TEK: variants seen among roughly 807,000 people sequenced by gnomAD.
TEK encodes the protein angiopoietin-1 receptor.
In TEK, 43 loss-of-function variants were observed where a neutral mutation model predicts 131.8. The ratio of observed to expected loss-of-function variants is 0.33; its 90% CI spans 0.26 to 0.42. TEK has a LOEUF of 0.42. Among genes scored for constraint, TEK ranks in the 10% least tolerant of loss-of-function variants. The probability of loss-of-function intolerance (pLI) is 1.00; values close to 1 mark genes in which losing one functional copy is unlikely to be tolerated. For missense variants in TEK, 1,162 were observed against 1,384.4 expected, an observed-to-expected ratio of 0.84 and a Z score of 2.55; for synonymous variants, 580 against 491.6, an observed-to-expected ratio of 1.18 and a Z score of -2.38.
intron 16 of TEK, chr9:27,210,720 A>G (rs1825580445): frequency 6.6e-6 from 1 of 152,286 alleles, no homozygotes; most frequent in African/African-American, 2.4e-5. Context: ...AGAATAAACC[A>G]TGATATTAAT....
At chr9:27,211,134 T>A (rs1032126166) in intron 16 of TEK, among the ~76,000 whole-genome samples, 2 of 148,240 alleles carry the variant, frequency 1.3e-5, no homozygotes, top group African/African-American at 4.9e-5. Flanking sequence ...AAAAAATATA[T>A]ATATATATGA....
Position 27,202,868 on chromosome 9 carries a change from C to G in TEK, c.1958C>G (p.Ser653Cys). Residue 653 changes from serine (S) to cysteine (C), a missense_variant, in exon 13 of 23, where the codon TCC (serine) becomes TGC (cysteine). Ser to Cys is a moderately radical substitution (Grantham distance 112, BLOSUM62 -1). Transcript: ENST00000380036. ...ATCAAGATTTCCAACATTACACACTCCTCAGCTGTGATTTCTTGGACAATA... is the reference window on the plus strand; with the variant it reads ...ATCAAGATTTCCAACATTACACACTGCTCAGCTGTGATTTCTTGGACAATA... ...ENIKISNITH[S>C]SAVISWTILD... 6.2e-7 allele frequency: 1 copy of G among 1,614,166 alleles called. No individual in the cohort carries two copies. Among genetic ancestry groups the G allele is most frequent in the Non-Finnish European group, 8.5e-7 (1 of 1,180,004 alleles).
At chr9:27,163,620 G>C (rs1823622220) in intron 2 of TEK, among the ~76,000 whole-genome samples, 1 of 152,190 alleles carries the variant, frequency 6.6e-6, no homozygotes, top group Admixed American at 6.5e-5. Flanking sequence ...GATAAGTCTG[G>C]AGAACTAGGG....
chr9:27,183,042 TGAGTG>T (rs1467891058), intron 7 of TEK, among the ~76,000 whole-genome samples: 2 of 152,226 alleles, frequency 1.3e-5, no homozygotes, highest in Non-Finnish European at 2.9e-5. Context: ...GGTTATTTGA[TGAGTG>T]GAGGAAGAAC....
chr9:27,132,962 G>T (rs566976898), intron 1 of TEK, among the ~76,000 whole-genome samples: 1 of 152,264 alleles, frequency 6.6e-6, no homozygotes, highest in African/African-American at 2.4e-5. Context: ...AAACACAATT[G>T]TACATGTTCT....
At chr9:27,194,727 C>T (rs1824945491) in intron 11 of TEK, among the ~76,000 whole-genome samples, 1 of 152,168 alleles carries the variant, frequency 6.6e-6, no homozygotes, top group South Asian at 2.1e-4. Context: ...CAGAATATTT[C>T]AAAGTAGTTC....
chr9:27,221,885 T>C (rs921572000), intron 21 of TEK, among the ~76,000 whole-genome samples: 16 of 152,136 alleles, frequency 1.1e-4, no homozygotes, highest in Admixed American at 3.9e-4. Context: ...ATTGGACGAA[T>C]GAGTTTGACA....
intron 1 of TEK, among the ~76,000 whole-genome samples, chr9:27,139,805 T>C (rs1822656353): frequency 1.3e-5 from 2 of 152,068 alleles, no homozygotes; most frequent in African/African-American, 4.8e-5. Flanking sequence ...AGTGTGTGTA[T>C]GTATAGTACA....
chr9:27,168,653 A>G, intron 3 of TEK, 48 bp downstream of exon 3: 2 of 1,293,374 alleles, frequency 1.5e-6, no homozygotes, highest in Non-Finnish European at 2.2e-6. Context: ...GAGATATCAG[A>G]TAACATACAA....
chr9:27,179,203 C>G (rs1388567299), intron 6 of TEK, among the ~76,000 whole-genome samples: 1 of 152,154 alleles, frequency 6.6e-6, no homozygotes, highest in Non-Finnish European at 1.5e-5. Context: ...AGTTTATTGA[C>G]TCTTTCTTTT....
At chr9:27,123,201 G>A (rs1273002341) in intron 1 of TEK, among the ~76,000 whole-genome samples, 2 of 151,990 alleles carry the variant, frequency 1.3e-5, no homozygotes, top group East Asian at 1.9e-4. Flanking sequence ...AGGGAGATGG[G>A]GCGGGTAAGC....
chr9:27,115,775 G>T (rs189374594), intron 1 of TEK, among the ~76,000 whole-genome samples: 1 of 152,154 alleles, frequency 6.6e-6, no homozygotes, highest in African/African-American at 2.4e-5. Context: ...CTATACAAAG[G>T]GGGTGTGTAT....
intron 12 of TEK, among the ~76,000 whole-genome samples, chr9:27,202,030 T>C (rs1050799051): frequency 2.6e-5 from 4 of 152,222 alleles, no homozygotes; most frequent in Non-Finnish European, 4.4e-5. Flanking sequence ...CTGGATCAAA[T>C]AGGCTTAGCC....
chr9:27,127,041 A>G (rs1458791321), intron 1 of TEK, among the ~76,000 whole-genome samples: 6 of 152,202 alleles, frequency 3.9e-5, no homozygotes, highest in Non-Finnish European at 7.3e-5. Context: ...GTTTTGTTAC[A>G]TAGGTATACA....
rs76136750 is a variant in TEK at position 27,205,280 on chromosome 9, G to T, written c.2364+215G>T. Among the ~76,000 whole-genome samples the T allele has an allele frequency of 0.039, 5,910 of 152,198 alleles. 165 individuals carry two copies. The highest frequency in any genetic ancestry group is 0.06 in the Non-Finnish European group (4,075 of 67,996). On this transcript the variant is annotated intron_variant, in intron 14 of 22. Transcript: ENST00000380036. ...CAGAACAATTTTGAGAGTGAAAAGG[G>T]TGCTCTTAGTAAATTATGCAGGAAA...
chr9:27,217,250 C>T (rs996262016), intron 18 of TEK, among the ~76,000 whole-genome samples: 23 of 152,146 alleles, frequency 1.5e-4, no homozygotes, highest in African/African-American at 3.4e-4. Flanking sequence ...TGGGATATCC[C>T]GTCCTCTGGA....
chr9:27,189,434 A>G (rs942874545), intron 9 of TEK, among the ~76,000 whole-genome samples: 1 of 152,154 alleles, frequency 6.6e-6, no homozygotes, highest in Non-Finnish European at 1.5e-5. Context: ...AACCCATTGT[A>G]ATATCTAAAA....
intron 1 of TEK, among the ~76,000 whole-genome samples, chr9:27,129,743 T>A (rs2131058720): frequency 6.6e-6 from 1 of 152,318 alleles, no homozygotes; most frequent in Admixed American, 6.5e-5. Context: ...TGCCTGTTAT[T>A]CCTGACAGAA....
rs549554525 is a variant in TEK at position 27,191,943 on chromosome 9, CAG to C, written c.1490-543_1490-542del. Reference sequence around the variant, plus strand: ...TATCTTTGCAGTATCCATGGAGAAACAGAGGCTGACTAAAGCAAATAGGTAAG... The same window carrying C: ...TATCTTTGCAGTATCCATGGAGAAACAGGCTGACTAAAGCAAATAGGTAAG... On this transcript the variant is annotated intron_variant, in intron 10 of 22. Transcript: ENST00000380036. The C allele has an allele frequency of 8.4e-4, 384 of 455,586 alleles. 2 individuals carry two copies. The highest frequency in any genetic ancestry group is 1.5e-3 in the Non-Finnish European group (349 of 226,700). 28.2% of individuals were successfully genotyped at this position (455,586 alleles called of 1,614,324 possible). A position where few individuals can be genotyped will look rare whatever the true frequency, so the allele number is the denominator to read the frequency against.
Sources: gnomAD v4.1 joint callset for allele counts (sites outside exome capture counted in the v4.1 genomes callset) on GRCh38, gnomAD v4.1.1 for gene constraint, MANE v1.5 for transcripts, NCBI Gene and HGNC (gene_info 2026-07-23, HGNC 2026-07-21) for gene names.